Variants in MTHFD1L observed in about 807,000 individuals in gnomAD.
MTHFD1L encodes methylenetetrahydrofolate dehydrogenase (NADP+ dependent) 1 like.
Under a neutral mutation model 119.5 loss-of-function variants are expected in MTHFD1L, and 81 were observed. The ratio of observed to expected loss-of-function variants is 0.68; its 90% CI spans 0.57 to 0.82. The LOEUF (loss-of-function observed/expected upper bound fraction) is 0.82. MTHFD1L is among the 40% of genes least tolerant of loss of function. The probability of loss-of-function intolerance (pLI) is 0.00; values close to 1 mark genes in which losing one functional copy is unlikely to be tolerated. For missense variants in MTHFD1L, 1,125 were observed against 1,253.4 expected, an observed-to-expected ratio of 0.90 and a Z score of 1.55; for synonymous variants, 430 against 475.2, an observed-to-expected ratio of 0.90 and a Z score of 1.24.
intron 4 of MTHFD1L, 94 bp downstream of exon 4, chr6:150,877,920 T>A: frequency 6.9e-7 from 1 of 1,451,232 alleles, no homozygotes; most frequent in Non-Finnish European, 9.6e-7. Flanking sequence ...GGGACAGATC[T>A]AAGATTTGCT....
chr6:151,097,206 G>A (rs185970646), intron 27 of MTHFD1L, among the ~76,000 whole-genome samples: 163 of 152,212 alleles, frequency 1.1e-3, no homozygotes, highest in Admixed American at 1.4e-3. Context: ...CTTCTTTATT[G>A]TACTGTGCAA....
At chr6:150,918,947 G>T (rs1168967847) in intron 9 of MTHFD1L, among the ~76,000 whole-genome samples, 1 of 152,054 alleles carries the variant, frequency 6.6e-6, no homozygotes, top group Admixed American at 6.6e-5. Flanking sequence ...AAGCAACAAG[G>T]CATTTATTAT....
At chr6:150,918,543 T>G in intron 8 of MTHFD1L, 34 bp from the exon 9 acceptor site, 1 of 1,443,652 alleles carries the variant, frequency 6.9e-7, no homozygotes, top group Non-Finnish European at 9.8e-7. Flanking sequence ...GACAGTGTAC[T>G]GAAAGTCTTT....
At chr6:151,008,945 C>A (rs184589273) in intron 20 of MTHFD1L, among the ~76,000 whole-genome samples, 2 of 149,628 alleles carry the variant, frequency 1.3e-5, no homozygotes, top group Admixed American at 1.3e-4. Flanking sequence ...GGCAAAAACC[C>A]GTCTCTACTA....
At chr6:150,900,840 C>G (rs910292504) in intron 7 of MTHFD1L, among the ~76,000 whole-genome samples, 1 of 151,518 alleles carries the variant, frequency 6.6e-6, no homozygotes, top group Non-Finnish European at 1.5e-5. Flanking sequence ...ATGGTGAAAC[C>G]CTGTCTCTAC....
intron 26 of MTHFD1L, chr6:151,057,209 G>T: frequency 1.0e-6 from 1 of 985,100 alleles, no homozygotes; most frequent in Non-Finnish European, 1.2e-6. Flanking sequence ...CCTGATTTCT[G>T]TCAATCTAAT....
intron 10 of MTHFD1L, among the ~76,000 whole-genome samples, chr6:150,925,562 A>G (rs1157939528): frequency 6.6e-6 from 1 of 152,192 alleles, no homozygotes; most frequent in Non-Finnish European, 1.5e-5. Flanking sequence ...TTAATAAAAC[A>G]TTTTGAAATA....
chr6:150,944,652 TA>T (rs1181101763), intron 14 of MTHFD1L, 59 bp downstream of exon 14: 3 of 1,300,998 alleles, frequency 2.3e-6, no homozygotes, highest in Admixed American at 1.9e-5. Flanking sequence ...CCTGGATTCT[TA>T]AGGAGTTTGT....
intron 20 of MTHFD1L, among the ~76,000 whole-genome samples, chr6:150,982,659 T>C (rs2128423400): frequency 6.6e-6 from 1 of 152,164 alleles, no homozygotes. Context: ...ACCAATTGTG[T>C]GTGTGAGATT....
At chr6:150,993,626 T>G (rs1562508043) in intron 20 of MTHFD1L, among the ~76,000 whole-genome samples, 2 of 152,040 alleles carry the variant, frequency 1.3e-5, no homozygotes, top group South Asian at 4.1e-4. Context: ...GTGAAAGCAG[T>G]TTTTAAGGAC....
At chr6:151,057,392 A>G (rs117171146) in intron 26 of MTHFD1L, 28,076 of 973,404 alleles carry the variant, frequency 0.029, 508 homozygotes, top group Admixed American at 0.099. Context: ...TGTAATCCCA[A>G]CATTTTGGGA....
rs558540815 is a variant in MTHFD1L at position 151,057,452 on chromosome 6, G to A, written c.2847+20335G>A. On this transcript the variant is annotated intron_variant, in intron 26 of 27. Transcript: ENST00000367321. ...GCCCAGGAGTTTGAGACCAGCCTGG[G>A]CAACATAATGAAAACTCATCTCTAC... The A allele has an allele frequency of 5.7e-6, 3 of 528,868 alleles. No individual in the cohort carries two copies. In the South Asian group the frequency reaches 2.5e-4, roughly 44 times the overall value. 32.8% of individuals were successfully genotyped at this position (528,868 alleles called of 1,614,324 possible). A position where few individuals can be genotyped will look rare whatever the true frequency, so the allele number is the denominator to read the frequency against.
Position 150,953,946 on chromosome 6 carries a change from G to A in MTHFD1L, c.1727-2049G>A, listed in dbSNP as rs557437510. Among the ~76,000 whole-genome samples the A allele has an allele frequency of 2.0e-5, 3 of 152,208 alleles. No individual in the cohort carries two copies. In the East Asian group the frequency reaches 5.8e-4, roughly 29 times the overall value. On this transcript the variant is annotated intron_variant, in intron 16 of 27. Transcript: ENST00000367321. ...AAAGCAGGCCTTTCATTTTGTATAT[G>A]CTCTGCTTATAGCTGAAAAACTCAT...
At chr6:150,958,248 C>T (rs1338363561) in intron 17 of MTHFD1L, among the ~76,000 whole-genome samples, 7 of 152,148 alleles carry the variant, frequency 4.6e-5, no homozygotes, top group Admixed American at 1.3e-4. Flanking sequence ...CTTTTTATGT[C>T]GATAAAGGTA....
chr6:151,002,811 C>T (rs935454297), intron 20 of MTHFD1L, among the ~76,000 whole-genome samples: 1 of 152,184 alleles, frequency 6.6e-6, no homozygotes, highest in African/African-American at 2.4e-5. Context: ...TAGAAAGCGC[C>T]AGGCTCCTTC....
At chr6:151,036,419 G>T (rs1400086229) in intron 25 of MTHFD1L, among the ~76,000 whole-genome samples, 1 of 152,076 alleles carries the variant, frequency 6.6e-6, no homozygotes, top group Non-Finnish European at 1.5e-5. Context: ...TGGAACTCTG[G>T]GTCAGACATA....
intron 26 of MTHFD1L, among the ~76,000 whole-genome samples, chr6:151,080,028 A>G (rs934647821): frequency 4.7e-5 from 7 of 150,512 alleles, no homozygotes; most frequent in East Asian, 2.0e-4. Flanking sequence ...TACAAAAAAA[A>G]TAGCTGGGCG....
chr6:150,930,377 T>C (rs946167518), intron 11 of MTHFD1L, among the ~76,000 whole-genome samples: 1 of 152,254 alleles, frequency 6.6e-6, no homozygotes, highest in African/African-American at 2.4e-5. Context: ...ATGACTGTTA[T>C]CAAACCATTA....
chr6:151,001,549 T>C (rs1780619077), intron 20 of MTHFD1L, among the ~76,000 whole-genome samples: 3 of 152,166 alleles, frequency 2.0e-5, no homozygotes, highest in Admixed American at 2.0e-4. Flanking sequence ...AAACCCAGGC[T>C]AGAGCATTGG....
Sources: gnomAD v4.1 joint callset for allele counts (sites outside exome capture counted in the v4.1 genomes callset) on GRCh38, gnomAD v4.1.1 for gene constraint, MANE v1.5 for transcripts, NCBI Gene and HGNC (gene_info 2026-07-23, HGNC 2026-07-21) for gene names.